Variants in KHDRBS3 observed in about 807,000 individuals in gnomAD.
KHDRBS3 encodes the protein KH domain-containing, RNA-binding, signal transduction-associated protein 3.
In KHDRBS3, 23 loss-of-function variants were observed where a neutral mutation model predicts 45.6. The observed-to-expected ratio is 0.50, with a 90% CI of 0.36 to 0.72. The LOEUF is 0.72. Among genes scored for constraint, KHDRBS3 ranks in the 30% least tolerant of loss-of-function variants. KHDRBS3 has a pLI of 0.00. For missense variants in KHDRBS3, 352 were observed against 424.8 expected, an observed-to-expected ratio of 0.83 and a Z score of 1.51; for synonymous variants, 162 against 156.5, an observed-to-expected ratio of 1.04 and a Z score of -0.26.
chr8:135,469,127 A>G (rs1197831300), intron 1 of KHDRBS3, among the ~76,000 whole-genome samples: 1 of 152,206 alleles, frequency 6.6e-6, no homozygotes, highest in Admixed American at 6.5e-5. Flanking sequence ...TGGGTGAAAA[A>G]TTTCAAAATT....
chr8:135,468,061 C>T (rs919634787), intron 1 of KHDRBS3, among the ~76,000 whole-genome samples: 1 of 152,124 alleles, frequency 6.6e-6, no homozygotes, highest in Non-Finnish European at 1.5e-5. Context: ...CTTTGTTATT[C>T]AGTCGTATCT....
chr8:135,529,237 C>T (rs536323500), intron 2 of KHDRBS3, among the ~76,000 whole-genome samples: 4 of 152,176 alleles, frequency 2.6e-5, no homozygotes, highest in South Asian at 4.1e-4. Flanking sequence ...AGAAGAGAAC[C>T]GGTAAGCGGC....
chr8:135,571,978 G>T (rs73712069), intron 5 of KHDRBS3, among the ~76,000 whole-genome samples: 1 of 152,070 alleles, frequency 6.6e-6, no homozygotes, highest in East Asian at 1.9e-4. Context: ...AAAATAATTC[G>T]ATACTAAAAA....
chr8:135,458,661 C>G, intron 1 of KHDRBS3: 1 of 354,866 alleles, frequency 2.8e-6, no homozygotes. Flanking sequence ...GAGAAGAGGC[C>G]GGCAAAAGAG....
chr8:135,542,612 T>C, intron 2 of KHDRBS3, 42 bp from the exon 3 acceptor site: 1 of 1,272,722 alleles, frequency 7.9e-7, no homozygotes, highest in South Asian at 1.2e-5. Context: ...GAAATTGCTT[T>C]CACATATAAA....
chr8:135,612,770 C>T (rs368225757), intron 7 of KHDRBS3, among the ~76,000 whole-genome samples: 1 of 151,774 alleles, frequency 6.6e-6, no homozygotes, highest in African/African-American at 2.4e-5. Context: ...AAAAGCTGCT[C>T]AGTCCCCCAT....
chr8:135,504,232 C>G (rs1245379956), intron 1 of KHDRBS3, among the ~76,000 whole-genome samples: 2 of 152,128 alleles, frequency 1.3e-5, no homozygotes, highest in African/African-American at 2.4e-5. Flanking sequence ...CTGCAGGTGT[C>G]AAAAAGCTAG....
intron 5 of KHDRBS3, among the ~76,000 whole-genome samples, chr8:135,572,686 C>A (rs796916263): frequency 4.6e-5 from 7 of 152,316 alleles, no homozygotes; most frequent in African/African-American, 1.7e-4. Context: ...TGTGGATGCG[C>A]ATGAACGCAT....
intron 1 of KHDRBS3, among the ~76,000 whole-genome samples, 198 bp from the exon 2 acceptor site, chr8:135,521,039 T>C (rs772330353): frequency 6.6e-6 from 1 of 152,216 alleles, no homozygotes; most frequent in Non-Finnish European, 1.5e-5. Context: ...TTTGACTTTG[T>C]AGAGCCATGA....
chr8:135,494,755 T>C (rs1009643166), intron 1 of KHDRBS3, among the ~76,000 whole-genome samples: 2 of 152,174 alleles, frequency 1.3e-5, no homozygotes, highest in African/African-American at 2.4e-5. Flanking sequence ...AAATCTTCCA[T>C]AGTGGGTTCA....
chr8:135,572,724 C>T (rs747806899), intron 5 of KHDRBS3, among the ~76,000 whole-genome samples: 2 of 152,220 alleles, frequency 1.3e-5, no homozygotes, highest in East Asian at 1.9e-4. Flanking sequence ...AACCACATTT[C>T]GGGTGGTCTC....
At chr8:135,530,142 A>G (rs1339884450) in intron 2 of KHDRBS3, among the ~76,000 whole-genome samples, 2 of 152,176 alleles carry the variant, frequency 1.3e-5, no homozygotes, top group African/African-American at 2.4e-5. Context: ...CTTTGAGGGT[A>G]CATCATAGAG....
intron 7 of KHDRBS3, among the ~76,000 whole-genome samples, chr8:135,619,807 C>G (rs1830065036): frequency 6.6e-6 from 1 of 152,194 alleles, no homozygotes. Context: ...CCTGCATGTG[C>G]TTCTCCAGGA....
intron 1 of KHDRBS3, chr8:135,458,222 C>T: frequency 8.1e-7 from 1 of 1,234,530 alleles, no homozygotes; most frequent in African/African-American, 1.6e-5. Context: ...TCGGGCACAC[C>T]CAGGGGAAAC....
chr8:135,540,206 A>T (rs190827485), intron 2 of KHDRBS3: 1 of 152,356 alleles, frequency 6.6e-6, no homozygotes, highest in African/African-American at 2.4e-5. Context: ...TAGGCAAATG[A>T]TGTCTGTAAA....
chr8:135,622,844 A>C (rs1325274202), intron 7 of KHDRBS3, among the ~76,000 whole-genome samples: 2 of 152,190 alleles, frequency 1.3e-5, no homozygotes, highest in African/African-American at 4.8e-5. Context: ...ACAGAAATAC[A>C]AAAAAATAGG....
chr8:135,572,957 C>T (rs1297463131), intron 5 of KHDRBS3, among the ~76,000 whole-genome samples: 1 of 152,208 alleles, frequency 6.6e-6, no homozygotes, highest in African/African-American at 2.4e-5. Context: ...AGAAATGAAG[C>T]AAGATTGTCA....
chr8:135,559,602 C>T (rs2130841561), intron 5 of KHDRBS3, among the ~76,000 whole-genome samples: 1 of 152,286 alleles, frequency 6.6e-6, no homozygotes, highest in African/African-American at 2.4e-5. Flanking sequence ...ACCTCGTGAT[C>T]TGCCTGCCTT....
intron 6 of KHDRBS3, among the ~76,000 whole-genome samples, chr8:135,592,078 C>T (rs1828769772): frequency 6.6e-6 from 1 of 151,940 alleles, no homozygotes; most frequent in Admixed American, 6.6e-5. Flanking sequence ...TTCATTTTAC[C>T]AGAAGCCAGG....
Sources: gnomAD v4.1 joint callset for allele counts (sites outside exome capture counted in the v4.1 genomes callset) on GRCh38, gnomAD v4.1.1 for gene constraint, MANE v1.5 for transcripts, NCBI Gene and HGNC (gene_info 2026-07-23, HGNC 2026-07-21) for gene names.